The following TNIK variants were observed in gnomAD, a reference collection of about 807,000 sequenced individuals.
The protein encoded by TNIK is TRAF2 and NCK interacting kinase.
A neutral mutation model predicts 191.3 loss-of-function variants in TNIK; 49 were observed. The ratio of observed to expected loss-of-function variants is 0.26; its 90% CI spans 0.20 to 0.32. The LOEUF (loss-of-function observed/expected upper bound fraction) is 0.32, where lower values mean the gene tolerates loss of function less well. TNIK is among the 10% of genes least tolerant of loss of function. The pLI, the probability that TNIK is intolerant of heterozygous loss-of-function variation, is 1.00. For missense variants in TNIK, 1,155 were observed against 1,702.3 expected, an observed-to-expected ratio of 0.68 and a Z score of 5.66; for synonymous variants, 594 against 600.9, an observed-to-expected ratio of 0.99 and a Z score of 0.17.
intron 1 of TNIK, among the ~76,000 whole-genome samples, chr3:171,431,270 T>A (rs1014399360): frequency 6.6e-6 from 1 of 152,150 alleles, no homozygotes; most frequent in Non-Finnish European, 1.5e-5. Flanking sequence ...TTTTTCTTCA[T>A]GTCTATTGCA....
chr3:171,387,309 A>G (rs1364577315), intron 1 of TNIK, among the ~76,000 whole-genome samples: 4 of 152,110 alleles, frequency 2.6e-5, no homozygotes, highest in African/African-American at 9.7e-5. Context: ...CTCACTCTTA[A>G]TTACTGAATT....
At chr3:171,129,264 G>C (rs557146131) in intron 15 of TNIK, among the ~76,000 whole-genome samples, 1 of 152,310 alleles carries the variant, frequency 6.6e-6, no homozygotes, top group South Asian at 2.1e-4. Context: ...CATGCATTTA[G>C]ATGGCTTGGG....
chr3:171,087,278 T>A (rs1354150875), intron 24 of TNIK, 64 bp downstream of exon 24: 1 of 1,598,896 alleles, frequency 6.3e-7, no homozygotes, highest in South Asian at 1.1e-5. Context: ...CTTGAAGAGA[T>A]CATGGTTTTA....
chr3:171,300,810 G>C (rs1312399054), intron 2 of TNIK, among the ~76,000 whole-genome samples: 1 of 152,118 alleles, frequency 6.6e-6, no homozygotes, highest in Non-Finnish European at 1.5e-5. Context: ...AGATGAATAG[G>C]ACACATGTCT....
chr3:171,262,376 CAGAA>C (rs1747754352), intron 2 of TNIK, among the ~76,000 whole-genome samples: 3 of 152,056 alleles, frequency 2.0e-5, no homozygotes, highest in South Asian at 2.1e-4. Flanking sequence ...ATTAGATTGA[CAGAA>C]AGAACAAAAG....
chr3:171,078,537 G>A (rs978699558), intron 28 of TNIK, among the ~76,000 whole-genome samples: 2 of 150,968 alleles, frequency 1.3e-5, no homozygotes, highest in South Asian at 4.2e-4. Context: ...TCTAATCTCT[G>A]TAAAGCTATT....
At chr3:171,310,467 T>A (rs532038696) in intron 2 of TNIK, among the ~76,000 whole-genome samples, 5 of 152,118 alleles carry the variant, frequency 3.3e-5, no homozygotes, top group Non-Finnish European at 7.4e-5. Flanking sequence ...AATTAATGAA[T>A]GTAGGGCTAT....
chr3:171,107,626 C>T (rs573579852), intron 20 of TNIK, among the ~76,000 whole-genome samples: 131 of 152,070 alleles, frequency 8.6e-4, no homozygotes, highest in South Asian at 2.1e-3. Flanking sequence ...AAAGTTTGGT[C>T]CAGAAAATAT....
chr3:171,389,415 C>T (rs1719165672), intron 1 of TNIK, among the ~76,000 whole-genome samples: 1 of 152,166 alleles, frequency 6.6e-6, no homozygotes. Flanking sequence ...CGAGTGCCTG[C>T]TCTGTGCCAG....
At chr3:171,274,409 A>T (rs539592474) in intron 2 of TNIK, among the ~76,000 whole-genome samples, 1 of 152,378 alleles carries the variant, frequency 6.6e-6, no homozygotes, top group East Asian at 1.9e-4. Context: ...AAACCACTTC[A>T]GAAGCAACTC....
chr3:171,134,845 T>C (rs1317939512), intron 15 of TNIK, among the ~76,000 whole-genome samples: 2 of 152,120 alleles, frequency 1.3e-5, no homozygotes, highest in Admixed American at 1.3e-4. Context: ...ATTACATTGC[T>C]GATAAAGGAC....
At chr3:171,201,941 A>C (rs886073846) in intron 4 of TNIK, among the ~76,000 whole-genome samples, 1 of 151,968 alleles carries the variant, frequency 6.6e-6, no homozygotes, top group African/African-American at 2.4e-5. Flanking sequence ...AGACTTTGTA[A>C]TAAAGCTTCT....
At chr3:171,368,537 A>G (rs1481757629) in intron 2 of TNIK, among the ~76,000 whole-genome samples, 1 of 152,204 alleles carries the variant, frequency 6.6e-6, no homozygotes, top group Non-Finnish European at 1.5e-5. Context: ...TGTACAATTT[A>G]GGAAATAATC....
chr3:171,336,739 G>A (rs1412292941), intron 2 of TNIK, among the ~76,000 whole-genome samples: 2 of 152,188 alleles, frequency 1.3e-5, no homozygotes, highest in East Asian at 1.9e-4. Flanking sequence ...CCAACCAACA[G>A]TGATAGATCC....
intron 1 of TNIK, among the ~76,000 whole-genome samples, chr3:171,456,184 C>A (rs762089274): frequency 6.6e-6 from 1 of 152,150 alleles, no homozygotes; most frequent in South Asian, 2.1e-4. Flanking sequence ...GAATGCCTTA[C>A]CCTGTGGGCC....
At chr3:171,404,784 T>C (rs1172893784) in intron 1 of TNIK, among the ~76,000 whole-genome samples, 1 of 152,220 alleles carries the variant, frequency 6.6e-6, no homozygotes, top group Non-Finnish European at 1.5e-5. Context: ...AAGCTCATAA[T>C]TGACAGAACT....
chr3:171,444,445 T>C (rs373936887), intron 1 of TNIK, among the ~76,000 whole-genome samples: 7 of 151,918 alleles, frequency 4.6e-5, no homozygotes, highest in East Asian at 1.9e-4. Flanking sequence ...TCCAAGCAAA[T>C]GTCAGCACCT....
chr3:171,449,762 G>C (rs969241099), intron 1 of TNIK, among the ~76,000 whole-genome samples: 2 of 151,590 alleles, frequency 1.3e-5, no homozygotes, highest in African/African-American at 4.9e-5. Flanking sequence ...ATGAGAACCA[G>C]AAAAGCCTTT....
intron 21 of TNIK, among the ~76,000 whole-genome samples, chr3:171,105,683 G>C (rs753983847): frequency 6.6e-6 from 1 of 152,146 alleles, no homozygotes; most frequent in Non-Finnish European, 1.5e-5. Flanking sequence ...AAAAAAAGTA[G>C]AGCAATTTTT....
Sources: gnomAD v4.1 joint callset for allele counts (sites outside exome capture counted in the v4.1 genomes callset) on GRCh38, gnomAD v4.1.1 for gene constraint, MANE v1.5 for transcripts, NCBI Gene and HGNC (gene_info 2026-07-23, HGNC 2026-07-21) for gene names.